Variants in APIP observed in about 807,000 individuals in gnomAD.
The protein encoded by APIP is methylthioribulose-1-phosphate dehydratase.
In APIP, 32 loss-of-function variants were observed where a neutral mutation model predicts 32.0. The ratio of observed to expected loss-of-function variants is 1.00; its 90% CI spans 0.76 to 1.34. The LOEUF (loss-of-function observed/expected upper bound fraction) is 1.34. Ranked by LOEUF, APIP falls within the 40% of genes most tolerant of loss-of-function variation. The pLI is 0.00. For synonymous variants in APIP, 92 were observed against 94.8 expected, an observed-to-expected ratio of 0.97 and a Z score of 0.17; for missense variants, 247 against 298.6, an observed-to-expected ratio of 0.83 and a Z score of 1.27.
intron 6 of APIP, 41 bp downstream of exon 6, chr11:34,883,296 G>T (rs146983826): frequency 3.3e-6 from 5 of 1,532,084 alleles, no homozygotes; most frequent in African/African-American, 2.8e-5. Context: ...CACATTTAGC[G>T]GGTGGTAACT....
At chr11:34,885,921 G>C (rs1229627920) in intron 5 of APIP, among the ~76,000 whole-genome samples, 2 of 152,154 alleles carry the variant, frequency 1.3e-5, no homozygotes, top group Admixed American at 6.5e-5. Flanking sequence ...CTGTGGTGAT[G>C]CTGGTGTAAA....
chr11:34,883,900 T>C (rs977034968), intron 5 of APIP, among the ~76,000 whole-genome samples: 1 of 152,202 alleles, frequency 6.6e-6, no homozygotes, highest in Admixed American at 6.5e-5. Context: ...ATATTAAGAA[T>C]TTCCCAATTA....
intron 4 of APIP, 95 bp from the exon 5 acceptor site, chr11:34,888,523 T>A: frequency 6.6e-7 from 1 of 1,525,262 alleles, no homozygotes; most frequent in Non-Finnish European, 8.8e-7. Context: ...TATTTACATA[T>A]GGTTATGGGC....
intron 1 of APIP, among the ~76,000 whole-genome samples, chr11:34,911,092 T>C (rs1853540666): frequency 6.6e-6 from 1 of 152,150 alleles, no homozygotes; most frequent in African/African-American, 2.4e-5. Flanking sequence ...ACCAGAATAC[T>C]TGTAGACACA....
In APIP at chr11:34,888,379, T is replaced by G. The variant is rs1571133; in HGVS notation, c.375A>C (p.Thr125=). The change falls in exon 5 of 7, where the codon ACA becomes ACC. Residue 125 remains threonine (T), a synonymous_variant. Transcript: ENST00000395787. ...HTHSKAAVMA[T]LLFPGREFKI... is the part of the protein sequence containing the mutation. ...TAAACTCCCGTCCTGGAAAGAGAAG[T>G]GTGGCCATCACAGCAGCTTTAGAGT... 1,072,794 of 1,608,478 alleles carry G rather than the reference T, an allele frequency of 0.67. 361,614 individuals carry two copies. The highest frequency in any genetic ancestry group is 0.73 in the East Asian group (32,496 of 44,686).
chr11:34,890,441 C>A, intron 3 of APIP, 63 bp downstream of exon 3: 1 of 1,447,876 alleles, frequency 6.9e-7, no homozygotes, highest in Non-Finnish European at 9.4e-7. Flanking sequence ...AAAATTAATT[C>A]CATTTCATAA....
intron 1 of APIP, among the ~76,000 whole-genome samples, chr11:34,904,351 C>T (rs1008330969): frequency 2.0e-5 from 3 of 152,158 alleles, no homozygotes; most frequent in South Asian, 2.1e-4. Flanking sequence ...TGCTTGGAGA[C>T]CCCAATTCTC....
chr11:34,893,973 C>A lies in APIP; in HGVS notation c.158+1037G>T, dbSNP rs563373738. On this transcript the variant is annotated intron_variant, in intron 2 of 6. Transcript: ENST00000395787. ...TTAGAATGAAGTAATAAATCAACAT[C>A]ACTCAATTTAACACACAACCTCCAG... Among the ~76,000 whole-genome samples, 32 of 152,290 alleles carry A rather than the reference C, an allele frequency of 2.1e-4. No individual in the cohort carries two copies. The South Asian group carries it at 6.4e-3, about 31-fold the overall frequency.
chr11:34,891,314 C>G (rs1430856), intron 2 of APIP, among the ~76,000 whole-genome samples: 2 of 151,908 alleles, frequency 1.3e-5, no homozygotes, highest in Admixed American at 6.6e-5. Context: ...TTCCCTCCAC[C>G]CTCAACAACA....
chr11:34,896,998 C>A (rs924145310), intron 1 of APIP: 20 of 335,664 alleles, frequency 6.0e-5, no homozygotes, highest in Non-Finnish European at 1.2e-5. Flanking sequence ...AAAATCACAA[C>A]AAGGAAGCAT....
chr11:34,895,616 T>C lies in APIP; in HGVS notation c.58-506A>G, dbSNP rs540452524. 2.0e-5 allele frequency among the ~76,000 whole-genome samples: 3 copies of C among 152,342 alleles called. No individual in the cohort carries two copies. In the East Asian group the frequency reaches 5.8e-4, roughly 29 times the overall value. On this transcript the variant is annotated intron_variant, in intron 1 of 6. Coordinates refer to ENST00000395787, the MANE Select transcript of APIP (RefSeq NM_015957.4). ...TTCCCACAATGATTTTAGTTTCTCTTATTGAAAAAGCAATATATACTCATT... is the reference window on the plus strand; with the variant it reads ...TTCCCACAATGATTTTAGTTTCTCTCATTGAAAAAGCAATATATACTCATT...
At chr11:34,886,493 T>C (rs1054422418) in intron 5 of APIP, among the ~76,000 whole-genome samples, 5 of 152,082 alleles carry the variant, frequency 3.3e-5, no homozygotes, top group Non-Finnish European at 7.4e-5. Flanking sequence ...GCTGAGGTTA[T>C]TATTAAGAAA....
intron 1 of APIP, among the ~76,000 whole-genome samples, chr11:34,911,433 CTT>C (rs1407531572): frequency 1.3e-5 from 2 of 152,050 alleles, no homozygotes; most frequent in Non-Finnish European, 2.9e-5. Flanking sequence ...TACCACAGTG[CTT>C]TGCTCAATAA....
Position 34,894,919 on chromosome 11 carries a change from T to C in APIP, c.158+91A>G, listed in dbSNP as rs897679914. On this transcript the variant is annotated intron_variant, in intron 2 of 6. Coordinates refer to ENST00000395787, the MANE Select transcript of APIP (RefSeq NM_015957.4). ...GACCTTCAGTATCACATAAAACTGATCATCAGTTGTTCTTTGGATATAACA... is the reference window on the plus strand; with the variant it reads ...GACCTTCAGTATCACATAAAACTGACCATCAGTTGTTCTTTGGATATAACA... The C allele has an allele frequency of 6.2e-6, 7 of 1,130,348 alleles. No homozygotes were observed. The African/African-American group carries it at 9.2e-5, about 15-fold the overall frequency. The allele number at this position is 1,130,348 out of a possible 1,614,324, so 70.0% of individuals were successfully genotyped here.
intron 1 of APIP, among the ~76,000 whole-genome samples, chr11:34,901,443 C>T (rs1045296241): frequency 2.0e-5 from 3 of 152,116 alleles, no homozygotes; most frequent in African/African-American, 7.2e-5. Flanking sequence ...GCCATTACAG[C>T]ACAGGAACCT....
intron 1 of APIP, among the ~76,000 whole-genome samples, chr11:34,912,585 C>G (rs895832478): frequency 6.6e-6 from 1 of 152,102 alleles, no homozygotes; most frequent in Non-Finnish European, 1.5e-5. Context: ...GCAGGCCCAC[C>G]CTTAATCTGG....
intron 5 of APIP, 24 bp downstream of exon 5, chr11:34,888,269 T>C (rs377260454): frequency 1.3e-4 from 190 of 1,493,542 alleles, no homozygotes; most frequent in Non-Finnish European, 1.6e-4. Flanking sequence ...TTCAAATTAT[T>C]TAAGAAAAAG....
chr11:34,892,271 G>A (rs555095816), intron 2 of APIP, among the ~76,000 whole-genome samples: 10 of 152,182 alleles, frequency 6.6e-5, no homozygotes, highest in Admixed American at 2.0e-4. Context: ...TCTACTTGGT[G>A]CTTTAAGCCA....
At chr11:34,894,639 A>G (rs953131085) in intron 2 of APIP, among the ~76,000 whole-genome samples, 3 of 152,016 alleles carry the variant, frequency 2.0e-5, no homozygotes, top group African/African-American at 7.2e-5. Flanking sequence ...ACAGAGCAAG[A>G]CTCTGTTTCA....
Sources: allele counts gnomAD v4.1 joint callset (sites outside exome capture counted in the v4.1 genomes callset), GRCh38; gene constraint gnomAD v4.1.1; transcripts MANE v1.5; gene names NCBI Gene and HGNC (gene_info 2026-07-23, HGNC 2026-07-21).